NCOR1: variants seen among roughly 807,000 people sequenced by gnomAD.
NCOR1 encodes nuclear receptor corepressor 1, also known as protein phosphatase 1, regulatory subunit 109.
In NCOR1, 63 loss-of-function variants were observed where a neutral mutation model predicts 288.1. The observed-to-expected ratio is 0.22, with a 90% CI of 0.18 to 0.27. NCOR1 has a LOEUF of 0.27. Ranked by LOEUF, NCOR1 falls within the 10% of genes least tolerant of loss-of-function variation. NCOR1 has a pLI of 1.00. For synonymous variants in NCOR1, 1,007 were observed against 1,065.9 expected (o/e 0.94, Z 1.08); for missense variants, 2,397 against 3,019.2 (o/e 0.79, Z 4.83).
intron 40 of NCOR1, among the ~76,000 whole-genome samples, chr17:16,055,200 T>C (rs2059777713): frequency 6.6e-6 from 1 of 152,162 alleles, no homozygotes; most frequent in Non-Finnish European, 1.5e-5. Context: ...ATATAAATCA[T>C]TCTATTATAA....
Position 16,127,467 on chromosome 17 carries a change from A to G in NCOR1, c.1510-1261T>C, listed in dbSNP as rs143721872. On this transcript the variant is annotated intron_variant, in intron 14 of 45. Transcript: ENST00000268712. The stretch of plus-strand genomic sequence containing the variant: ...TATGTGTATATGTATATATACGTGT[A>G]TGTGTATATATACACGTGTGTATAT... Among the ~76,000 whole-genome samples the G allele has an allele frequency of 5.3e-4, 77 of 144,666 alleles. 4 individuals are homozygous for G. Among genetic ancestry groups the G allele is most frequent in the South Asian group, 2.0e-3 (9 of 4,410 alleles). 94.9% of individuals were successfully genotyped at this position (144,666 alleles called of 152,430 possible).
At chr17:16,131,919 C>G (rs1238482748) in intron 14 of NCOR1, among the ~76,000 whole-genome samples, 1 of 152,216 alleles carries the variant, frequency 6.6e-6, no homozygotes, top group Non-Finnish European at 1.5e-5. Context: ...TGACCCCACT[C>G]TCATGAATGT....
rs73280272 is a variant in NCOR1 at position 16,160,311 on chromosome 17, T to C, written c.619-1438A>G. On this transcript the variant is annotated intron_variant, in intron 5 of 45. Coordinates refer to ENST00000268712, the MANE Select transcript of NCOR1 (RefSeq NM_006311.4). ...CTAGTGAAGCAAGCAGGGACTTGTCTGCTTTGTCCGCTGCTTTTTTTCAAC... is the reference window on the plus strand; with the variant it reads ...CTAGTGAAGCAAGCAGGGACTTGTCCGCTTTGTCCGCTGCTTTTTTTCAAC... 3.1e-3 allele frequency among the ~76,000 whole-genome samples: 477 copies of C among 152,346 alleles called. 1 individual carries two copies. Among genetic ancestry groups the C allele is most frequent in the African/African-American group, 0.011 (462 of 41,582 alleles).
chr17:16,187,269 A>T (rs1341273463), intron 2 of NCOR1, among the ~76,000 whole-genome samples: 1 of 151,566 alleles, frequency 6.6e-6, no homozygotes, highest in Non-Finnish European at 1.5e-5. Flanking sequence ...ATAAACAGAA[A>T]AACACAGAAT....
At chr17:16,129,958 C>T (rs1472884452) in intron 14 of NCOR1, among the ~76,000 whole-genome samples, 1 of 152,174 alleles carries the variant, frequency 6.6e-6, no homozygotes, top group Non-Finnish European at 1.5e-5. Context: ...CTCCCCTTTC[C>T]CTGGTGCTAG....
intron 40 of NCOR1, 78 bp downstream of exon 40, chr17:16,057,436 A>G: frequency 7.0e-7 from 1 of 1,428,858 alleles, no homozygotes; most frequent in Non-Finnish European, 9.8e-7. Flanking sequence ...TGTGAGAAAC[A>G]AATTCCTTAT....
intron 14 of NCOR1, 36 bp downstream of exon 14, chr17:16,137,275 T>C: frequency 7.1e-7 from 1 of 1,404,980 alleles, no homozygotes; most frequent in Non-Finnish European, 1.0e-6. Context: ...TTTCCCCCAA[T>C]CCTGAAATAT....
At chr17:16,201,060 G>A (rs1374759975) in intron 1 of NCOR1, among the ~76,000 whole-genome samples, 1 of 151,694 alleles carries the variant, frequency 6.6e-6, no homozygotes, top group East Asian at 1.9e-4. Flanking sequence ...CCTTTGGGGG[G>A]AAAAAAAAGC....
intron 1 of NCOR1, among the ~76,000 whole-genome samples, chr17:16,199,216 AAC>A (rs148297225): frequency 0.35 from 42,308 of 121,476 alleles, 7,577 homozygotes; most frequent in East Asian, 0.72. Context: ...AAAAAAAAAA[AAC>A]ACACACACAC....
chr17:16,202,364 G>A (rs1012250688), intron 1 of NCOR1, among the ~76,000 whole-genome samples: 31 of 150,344 alleles, frequency 2.1e-4, no homozygotes, highest in African/African-American at 6.9e-4. Flanking sequence ...TCGCACCCCT[G>A]CACTCCAGGC....
chr17:16,111,866 A>G (rs1414650079), intron 18 of NCOR1, among the ~76,000 whole-genome samples: 1 of 151,654 alleles, frequency 6.6e-6, no homozygotes, highest in African/African-American at 2.4e-5. Context: ...ACATTTATTT[A>G]TTTATTTTTA....
At chr17:16,111,631 T>TAA (rs1038583455) in intron 18 of NCOR1, among the ~76,000 whole-genome samples, 1 of 143,414 alleles carries the variant, frequency 7.0e-6, no homozygotes. Flanking sequence ...AAATTAAAAT[T>TAA]AAAAAAAAAA....
intron 31 of NCOR1, among the ~76,000 whole-genome samples, chr17:16,069,246 G>A (rs936797895): frequency 1.7e-4 from 26 of 152,068 alleles, no homozygotes; most frequent in African/African-American, 3.4e-4. Flanking sequence ...AAGTCCCAGC[G>A]TGCTCAAATA....
chr17:16,137,442 G>T, intron 13 of NCOR1, 30 bp from the exon 14 acceptor site: 1 of 1,241,758 alleles, frequency 8.1e-7, no homozygotes, highest in East Asian at 2.6e-5. Context: ...TATTTTTGAG[G>T]ATCCAATGAA....
chr17:16,169,459 T>C (rs533493509), intron 4 of NCOR1, among the ~76,000 whole-genome samples: 2 of 152,300 alleles, frequency 1.3e-5, no homozygotes, highest in South Asian at 2.1e-4. Flanking sequence ...TAACAAAAAA[T>C]CTAACAAATG....
chr17:16,134,715 T>G (rs911761244), intron 14 of NCOR1, among the ~76,000 whole-genome samples: 1 of 152,190 alleles, frequency 6.6e-6, no homozygotes, highest in East Asian at 1.9e-4. Flanking sequence ...GGCAACTGGC[T>G]GCTAATCTGG....
chr17:16,156,403 T>A (rs2079791867), intron 6 of NCOR1, among the ~76,000 whole-genome samples: 1 of 137,192 alleles, frequency 7.3e-6, no homozygotes, highest in Admixed American at 7.9e-5. Context: ...GCCACAGCAC[T>A]CCAACCTCGG....
intron 23 of NCOR1, among the ~76,000 whole-genome samples, chr17:16,083,288 C>A (rs972306436): frequency 1.3e-5 from 2 of 150,922 alleles, no homozygotes; most frequent in Admixed American, 6.6e-5. Context: ...GGTGGGAGGA[C>A]TGCTTGAGCC....
intron 4 of NCOR1, among the ~76,000 whole-genome samples, chr17:16,170,427 T>TA (rs1298866483): frequency 6.6e-6 from 1 of 152,188 alleles, no homozygotes; most frequent in East Asian, 1.9e-4. Context: ...ACTTTACTGT[T>TA]AAGAGTTTTT....
Sources: gnomAD v4.1 joint callset for allele counts (sites outside exome capture counted in the v4.1 genomes callset) on GRCh38, gnomAD v4.1.1 for gene constraint, MANE v1.5 for transcripts, NCBI Gene and HGNC (gene_info 2026-07-23, HGNC 2026-07-21) for gene names.